Variants in PALLD observed in about 807,000 individuals in gnomAD.
PALLD encodes the protein palladin, cytoskeletal associated protein.
Under a neutral mutation model 123.5 loss-of-function variants are expected in PALLD, and 61 were observed. The ratio of observed to expected loss-of-function variants is 0.49; its 90% confidence interval spans 0.40 to 0.61. PALLD has a LOEUF of 0.61. Ranked by LOEUF, PALLD falls within the 20% of genes least tolerant of loss-of-function variation. The probability of loss-of-function intolerance (pLI) is 0.00; values close to 1 mark genes in which losing one functional copy is unlikely to be tolerated. For missense variants in PALLD, 1,273 were observed against 1,377.0 expected, an observed-to-expected ratio of 0.92 and a Z score of 1.20; for synonymous variants, 465 against 496.4, an observed-to-expected ratio of 0.94 and a Z score of 0.84.
At chr4:168,518,417 C>T (rs1040000007) in intron 2 of PALLD, among the ~76,000 whole-genome samples, 23 of 152,170 alleles carry the variant, frequency 1.5e-4, no homozygotes, top group Admixed American at 6.5e-5. Flanking sequence ...CTCACTTAGT[C>T]CGAGTAAAAT....
At chr4:168,899,996 C>G (rs1411641670) in intron 14 of PALLD, among the ~76,000 whole-genome samples, 2 of 152,038 alleles carry the variant, frequency 1.3e-5, no homozygotes, top group African/African-American at 4.8e-5. Context: ...GTACCAGAAT[C>G]TTCTCCTGGT....
At chr4:168,570,047 G>A (rs1171908047) in intron 2 of PALLD, among the ~76,000 whole-genome samples, 4 of 152,088 alleles carry the variant, frequency 2.6e-5, no homozygotes, top group South Asian at 2.1e-4. Context: ...CCGTGTAAAT[G>A]TATATCGTTG....
At chr4:168,700,450 G>C (rs1199238950) in intron 8 of PALLD, 1 of 152,116 alleles carries the variant, frequency 6.6e-6, no homozygotes, top group African/African-American at 2.4e-5. Flanking sequence ...CATACACAAT[G>C]AATTCTGCTC....
intron 10 of PALLD, among the ~76,000 whole-genome samples, chr4:168,737,291 C>CT (rs1041905391): frequency 6.6e-6 from 1 of 151,938 alleles, no homozygotes; most frequent in East Asian, 1.9e-4. Flanking sequence ...TTTGGGGCCT[C>CT]TTTTTTTTCT....
Position 168,898,693 on chromosome 4 carries a change from G to C in PALLD, c.2451G>C (p.Val817=). The C allele has an allele frequency of 6.2e-7, 1 of 1,613,554 alleles. No homozygotes were observed. The highest frequency in any genetic ancestry group is 1.7e-5 in the Admixed American group (1 of 60,022). ...TGCCAGTAACTTTCACATGTAGAGTGGCTGGAAATCCAAAGCCAAAGGTGA... is the reference window on the plus strand; with the variant it reads ...TGCCAGTAACTTTCACATGTAGAGTCGCTGGAAATCCAAAGCCAAAGGTGA... ...EGMPVTFTCR[V]AGNPKPKIYW... The change falls in exon 14 of 22, where the codon GTG becomes GTC. Residue 817 remains valine (V), a synonymous_variant. Coordinates refer to ENST00000505667, the MANE Select transcript of PALLD (RefSeq NM_001166108.2).
intron 1 of PALLD, chr4:168,507,756 A>G (rs1019144324): frequency 5.6e-6 from 1 of 178,984 alleles, no homozygotes; most frequent in African/African-American, 2.4e-5. Context: ...CTGACTACCC[A>G]TAACATAAAA....
At chr4:168,809,951 G>A (rs1451294799) in intron 10 of PALLD, among the ~76,000 whole-genome samples, 2 of 152,076 alleles carry the variant, frequency 1.3e-5, no homozygotes, top group Non-Finnish European at 2.9e-5. Flanking sequence ...AGTGTTAATA[G>A]AAGGAGGGTG....
rs566718199 is a variant in PALLD, at chr4:168,659,483, A to T, written c.909-8707A>T. Among the ~76,000 whole-genome samples, 3 of 152,322 alleles carry T rather than the reference A, an allele frequency of 2.0e-5. No individual in the cohort carries two copies. The East Asian group carries it at 5.8e-4, about 29-fold the overall frequency. ...AATCACCCGTGACATCCCTTTGAAG[A>T]TACATTTTGTCAGGAAGCACAAATC... is the stretch of plus-strand genomic sequence containing the variant. On this transcript the variant is annotated intron_variant, in intron 2 of 21. Coordinates refer to ENST00000505667, the MANE Select transcript of PALLD (RefSeq NM_001166108.2).
intron 2 of PALLD, among the ~76,000 whole-genome samples, chr4:168,611,014 G>A (rs965729493): frequency 4.6e-5 from 7 of 152,118 alleles, no homozygotes; most frequent in Non-Finnish European, 1.0e-4. Context: ...GTCTACTCCT[G>A]GCTGGAACAG....
At chr4:168,763,327 G>A (rs1425857753) in intron 10 of PALLD, among the ~76,000 whole-genome samples, 1 of 152,042 alleles carries the variant, frequency 6.6e-6, no homozygotes, top group Non-Finnish European at 1.5e-5. Flanking sequence ...CTATGTGCCG[G>A]GTGCTCTAAT....
intron 17 of PALLD, among the ~76,000 whole-genome samples, chr4:168,918,889 A>T (rs1169078770): frequency 7.9e-5 from 12 of 152,220 alleles, no homozygotes; most frequent in Admixed American, 7.9e-4. Flanking sequence ...TAATTAGATT[A>T]TACCAAAGAA....
In PALLD at chr4:168,638,884, A is replaced by G. The variant is rs567754872; in HGVS notation, c.909-29306A>G. 3.0e-4 allele frequency among the ~76,000 whole-genome samples: 45 copies of G among 152,014 alleles called. No homozygotes were observed. The East Asian group carries it at 8.7e-3, about 29-fold the overall frequency. Reference sequence around the variant, plus strand: ...ATCAGCTTACCCCGATTCACACTCCACCGTCTCCTCTCTTTTTCCTGTCCT... The same window carrying G: ...ATCAGCTTACCCCGATTCACACTCCGCCGTCTCCTCTCTTTTTCCTGTCCT... On this transcript the variant is annotated intron_variant, in intron 2 of 21. Coordinates refer to ENST00000505667, the MANE Select transcript of PALLD (RefSeq NM_001166108.2).
intron 10 of PALLD, among the ~76,000 whole-genome samples, chr4:168,801,143 T>C (rs1333333373): frequency 6.6e-6 from 1 of 152,188 alleles, no homozygotes; most frequent in Non-Finnish European, 1.5e-5. Flanking sequence ...CAAGTCAGGA[T>C]TGCGGTTACC....
Position 168,681,384 on chromosome 4 carries a change from TG to T in PALLD, c.1142del (p.Gly381GlufsTer15). 6.2e-7 allele frequency: 1 copy of T among 1,604,526 alleles called. No individual in the cohort carries two copies. Among genetic ancestry groups the T allele is most frequent in the South Asian group, 1.1e-5 (1 of 90,912 alleles). The stretch of plus-strand genomic sequence containing the variant: ...AAAGTTTAGCTTTCAAATCAAGAGC[TG>T]GAGCTATGCCACAGTAAGTGCCTAC... ...SESLAFKSRA[G>X]AMPQAQKKTT... On this transcript the variant is annotated frameshift_variant, in exon 4 of 22. Transcript: ENST00000505667. LOFTEE classifies it high-confidence loss of function.
rs139563969 is a variant in PALLD, at chr4:168,665,910, C to T, written c.909-2280C>T. Among the ~76,000 whole-genome samples, 790 of 151,806 alleles carry T rather than the reference C, an allele frequency of 5.2e-3. 10 individuals are homozygous for T. The highest frequency in any genetic ancestry group is 0.018 in the African/African-American group (726 of 41,400). On this transcript the variant is annotated intron_variant, in intron 2 of 21. Transcript: ENST00000505667. Reference sequence around the variant, plus strand: ...TGTTGCAACTACTACTTGACTCTGACTATAATGCAAAAGCAGACATAGACA... The same window carrying T: ...TGTTGCAACTACTACTTGACTCTGATTATAATGCAAAAGCAGACATAGACA...
chr4:168,868,146 C>T (rs1560822561), intron 10 of PALLD, among the ~76,000 whole-genome samples: 1 of 152,126 alleles, frequency 6.6e-6, no homozygotes, highest in Non-Finnish European at 1.5e-5. Context: ...CGAAAAGTCC[C>T]AGGGAAAGGC....
At chr4:168,644,819 T>C (rs1320937247) in intron 2 of PALLD, among the ~76,000 whole-genome samples, 2 of 152,062 alleles carry the variant, frequency 1.3e-5, no homozygotes, top group Non-Finnish European at 2.9e-5. Flanking sequence ...TAGGGAGATA[T>C]CAGCTGGGTG....
intron 2 of PALLD, among the ~76,000 whole-genome samples, chr4:168,522,962 G>C (rs1763694589): frequency 6.6e-6 from 1 of 152,066 alleles, no homozygotes; most frequent in South Asian, 2.1e-4. Context: ...AGTTCCAATG[G>C]TGAAGTCTAG....
intron 2 of PALLD, among the ~76,000 whole-genome samples, chr4:168,543,177 C>T (rs1236406629): frequency 1.3e-5 from 2 of 152,184 alleles, no homozygotes; most frequent in African/African-American, 2.4e-5. Context: ...ACACTGAGAA[C>T]GTCACTTGCC....
Sources: gnomAD v4.1 joint callset for allele counts (sites outside exome capture counted in the v4.1 genomes callset) on GRCh38, gnomAD v4.1.1 for gene constraint, MANE v1.5 for transcripts, NCBI Gene and HGNC (gene_info 2026-07-23, HGNC 2026-07-21) for gene names.